The following DGKB variants were observed in gnomAD, a reference collection of about 807,000 sequenced individuals.
DGKB encodes the protein 90 kDa diacylglycerol kinase.
DGKB carries 67 observed loss-of-function variants against 114.3 expected under a neutral mutation model. That is an observed-to-expected ratio of 0.59 (90% CI 0.48 to 0.72). The LOEUF is 0.72. DGKB is among the 30% of genes least tolerant of loss of function. The pLI is 0.00. For missense variants in DGKB, 907 were observed against 975.2 expected, an observed-to-expected ratio of 0.93 and a Z score of 0.93; for synonymous variants, 398 against 323.1, an observed-to-expected ratio of 1.23 and a Z score of -2.49.
intron 21 of DGKB, among the ~76,000 whole-genome samples, chr7:14,350,577 A>C (rs1813262862): frequency 6.6e-6 from 1 of 152,022 alleles, no homozygotes; most frequent in South Asian, 2.1e-4. Context: ...GTTTTGACTT[A>C]GTGAAACTAC....
At chr7:14,526,495 A>C in intron 20 of DGKB, among the ~76,000 whole-genome samples, 1 of 152,166 alleles carries the variant, frequency 6.6e-6, no homozygotes, top group East Asian at 1.9e-4. Context: ...CAGCTCAAAC[A>C]ATGGGAAGAG....
intron 20 of DGKB, among the ~76,000 whole-genome samples, chr7:14,542,003 C>T (rs1451405575): frequency 1.3e-5 from 2 of 152,038 alleles, no homozygotes; most frequent in African/African-American, 4.8e-5. Flanking sequence ...TTGTTATTGG[C>T]CTCCCTGCCT....
intron 21 of DGKB, among the ~76,000 whole-genome samples, chr7:14,450,515 C>T (rs1831330679): frequency 6.6e-6 from 1 of 151,952 alleles, no homozygotes; most frequent in Non-Finnish European, 1.5e-5. Flanking sequence ...AGGTGGGTGG[C>T]AAAGCCCAAA....
At chr7:14,245,860 G>A (rs1171101486) in intron 23 of DGKB, among the ~76,000 whole-genome samples, 1 of 152,078 alleles carries the variant, frequency 6.6e-6, no homozygotes, top group Non-Finnish European at 1.5e-5. Flanking sequence ...CCCATGAGGT[G>A]GAGGTTGCAG....
intron 20 of DGKB, among the ~76,000 whole-genome samples, chr7:14,493,884 T>C (rs1392478799): frequency 1.3e-5 from 2 of 150,686 alleles, no homozygotes; most frequent in African/African-American, 4.9e-5. Context: ...TTCTCACATA[T>C]AAAAAAGTCA....
chr7:14,600,723 C>G (rs1326735498), intron 17 of DGKB, among the ~76,000 whole-genome samples: 4 of 152,180 alleles, frequency 2.6e-5, no homozygotes, highest in Non-Finnish European at 5.9e-5. Flanking sequence ...ACAACATTAA[C>G]TCTTGAAGCT....
intron 21 of DGKB, among the ~76,000 whole-genome samples, chr7:14,377,395 C>T (rs111442589): frequency 2.0e-5 from 3 of 152,000 alleles, no homozygotes; most frequent in African/African-American, 4.8e-5. Context: ...GTTTTATTCC[C>T]GTGATTTAAT....
At chr7:14,848,670 T>C (rs1161886913) in intron 1 of DGKB, among the ~76,000 whole-genome samples, 1 of 152,156 alleles carries the variant, frequency 6.6e-6, no homozygotes, top group African/African-American at 2.4e-5. Flanking sequence ...GAGCCTGTAC[T>C]TCTTCTTGTC....
intron 13 of DGKB, among the ~76,000 whole-genome samples, chr7:14,634,347 GT>G (rs1475076778): frequency 6.6e-6 from 1 of 151,302 alleles, no homozygotes; most frequent in African/African-American, 2.4e-5. Context: ...AATAACAGTA[GT>G]TGCAAGAGGA....
intron 9 of DGKB, among the ~76,000 whole-genome samples, chr7:14,692,476 T>C (rs1823039704): frequency 1.3e-5 from 2 of 152,016 alleles, no homozygotes; most frequent in African/African-American, 4.8e-5. Context: ...CAACATTTTG[T>C]CAATTTTTCT....
chr7:14,311,258 C>T (rs750436481), intron 23 of DGKB, among the ~76,000 whole-genome samples: 6 of 152,098 alleles, frequency 3.9e-5, no homozygotes, highest in East Asian at 1.9e-4. Flanking sequence ...ATTTGGCTCA[C>T]GGTGTAATCA....
intron 20 of DGKB, among the ~76,000 whole-genome samples, chr7:14,518,975 CT>C (rs1313438327): frequency 6.6e-6 from 1 of 151,996 alleles, no homozygotes; most frequent in Non-Finnish European, 1.5e-5. Flanking sequence ...AGGGGCCATA[CT>C]TTGAGAATCA....
At chr7:14,684,534 A>C (rs1040851618) in intron 10 of DGKB, among the ~76,000 whole-genome samples, 19 of 152,304 alleles carry the variant, frequency 1.2e-4, no homozygotes, top group African/African-American at 4.6e-4. Flanking sequence ...TGTAGATTTA[A>C]AATTACTTAG....
At chr7:14,212,557 C>G (rs1158526970) in intron 23 of DGKB, among the ~76,000 whole-genome samples, 3 of 152,046 alleles carry the variant, frequency 2.0e-5, no homozygotes, top group Non-Finnish European at 2.9e-5. Flanking sequence ...TGAGTCATCT[C>G]TTCACTATAC....
At chr7:14,257,179 A>G (rs1285021990) in intron 23 of DGKB, among the ~76,000 whole-genome samples, 3 of 152,148 alleles carry the variant, frequency 2.0e-5, no homozygotes, top group Non-Finnish European at 4.4e-5. Flanking sequence ...AGAATAAAAT[A>G]AAAAAATTTA....
intron 1 of DGKB, among the ~76,000 whole-genome samples, chr7:14,872,259 G>T (rs1171337018): frequency 6.6e-6 from 1 of 152,124 alleles, no homozygotes; most frequent in African/African-American, 2.4e-5. Context: ...CGGCAGAACA[G>T]GAATAACAAA....
At chr7:14,218,726 CAG>C (rs951628405) in intron 23 of DGKB, among the ~76,000 whole-genome samples, 2 of 151,874 alleles carry the variant, frequency 1.3e-5, no homozygotes, top group African/African-American at 4.8e-5. Context: ...ATTCCCGGGA[CAG>C]AGTTTTTTTT....
chr7:14,500,930 G>A (rs1584415940), intron 20 of DGKB, among the ~76,000 whole-genome samples: 1 of 151,872 alleles, frequency 6.6e-6, no homozygotes, highest in Admixed American at 6.6e-5. Context: ...GCAAAATGTA[G>A]AAAAGTGTTC....
intron 2 of DGKB, among the ~76,000 whole-genome samples, chr7:14,838,079 A>C (rs909158501): frequency 6.6e-6 from 1 of 152,156 alleles, no homozygotes; most frequent in Admixed American, 6.5e-5. Context: ...TCTTTGTCTC[A>C]GTATATTATG....
Sources: allele counts gnomAD v4.1 joint callset (sites outside exome capture counted in the v4.1 genomes callset), GRCh38; gene constraint gnomAD v4.1.1; transcripts MANE v1.5; gene names NCBI Gene and HGNC (gene_info 2026-07-23, HGNC 2026-07-21).